Variants in ZMAT4 observed in about 807,000 individuals in gnomAD.
ZMAT4 encodes zinc finger matrin-type protein 4.
A neutral mutation model predicts 28.7 loss-of-function variants in ZMAT4; 17 were observed. The ratio of observed to expected loss-of-function variants is 0.59; its 90% confidence interval spans 0.41 to 0.89. The LOEUF is 0.89. Among genes scored for constraint, ZMAT4 ranks in the 40% least tolerant of loss-of-function variants. The probability of loss-of-function intolerance (pLI) is 0.00; values close to 1 mark genes in which losing one functional copy is unlikely to be tolerated. For missense variants in ZMAT4, 240 were observed against 283.8 expected, an observed-to-expected ratio of 0.85 and a Z score of 1.11; for synonymous variants, 117 against 109.2, an observed-to-expected ratio of 1.07 and a Z score of -0.44.
At chr8:40,737,023 A>G (rs1811793822) in intron 3 of ZMAT4, among the ~76,000 whole-genome samples, 1 of 152,222 alleles carries the variant, frequency 6.6e-6, no homozygotes, top group African/African-American at 2.4e-5. Flanking sequence ...GCATTTGGGC[A>G]CAGAGGTCCA....
intron 3 of ZMAT4, among the ~76,000 whole-genome samples, chr8:40,735,014 A>G (rs1324052913): frequency 6.6e-6 from 1 of 152,230 alleles, no homozygotes; most frequent in Non-Finnish European, 1.5e-5. Context: ...CTAGATGACT[A>G]AAATGGCTGG....
intron 1 of ZMAT4, among the ~76,000 whole-genome samples, chr8:40,881,687 A>T (rs956648710): frequency 2.3e-4 from 35 of 152,212 alleles, no homozygotes; most frequent in African/African-American, 7.7e-4. Context: ...ATGGGGACTG[A>T]TAACATGGAT....
rs1035908226 is a variant in ZMAT4 at position 40,696,670 on chromosome 8, A to G, written c.349+575T>C. Among the ~76,000 whole-genome samples, 3 of 152,340 alleles carry G rather than the reference A, an allele frequency of 2.0e-5. No individual in the cohort carries two copies. In the East Asian group the frequency reaches 5.8e-4, roughly 29 times the overall value. On this transcript the variant is annotated intron_variant, in intron 4 of 6. Transcript: ENST00000297737. ...GTGAAAGTTAATAGGCTTGAATCAC[A>G]GGATCTCCTGCAAGATGAATCACAG...
At chr8:40,800,172 G>A (rs1586072131) in intron 2 of ZMAT4, among the ~76,000 whole-genome samples, 1 of 152,236 alleles carries the variant, frequency 6.6e-6, no homozygotes, top group East Asian at 1.9e-4. Context: ...AATGATAAAG[G>A]GCTAATTCTC....
chr8:40,772,832 C>G (rs1449478089), intron 2 of ZMAT4, among the ~76,000 whole-genome samples: 6 of 152,220 alleles, frequency 3.9e-5, no homozygotes, highest in Non-Finnish European at 7.3e-5. Flanking sequence ...CATGCCACCA[C>G]ATTTGAGGTC....
chr8:40,753,332 A>G (rs1812536332), intron 3 of ZMAT4, among the ~76,000 whole-genome samples: 1 of 151,726 alleles, frequency 6.6e-6, no homozygotes, highest in Admixed American at 6.6e-5. Context: ...GAATTATCAC[A>G]CCACACTCTT....
At chr8:40,659,422 C>A (rs2118848686) in intron 5 of ZMAT4, among the ~76,000 whole-genome samples, 1 of 152,182 alleles carries the variant, frequency 6.6e-6, no homozygotes, top group East Asian at 1.9e-4. Flanking sequence ...CAGACTCAAG[C>A]CAAATCATAA....
chr8:40,820,504 G>A (rs554797480), intron 2 of ZMAT4, among the ~76,000 whole-genome samples: 59 of 151,348 alleles, frequency 3.9e-4, no homozygotes, highest in Admixed American at 9.9e-4. Flanking sequence ...ATGTGTGTAT[G>A]TGTGTATTGG....
intron 1 of ZMAT4, among the ~76,000 whole-genome samples, chr8:40,867,726 C>T (rs906371317): frequency 1.3e-5 from 2 of 152,160 alleles, no homozygotes; most frequent in African/African-American, 4.8e-5. Context: ...TCAGTTGCCA[C>T]CTAACCACCA....
intron 5 of ZMAT4, among the ~76,000 whole-genome samples, chr8:40,621,596 A>C (rs771081375): frequency 6.6e-6 from 1 of 152,234 alleles, no homozygotes; most frequent in Non-Finnish European, 1.5e-5. Context: ...AACAAGTAAC[A>C]ATACTGACAT....
chr8:40,869,257 G>A (rs375697612), intron 1 of ZMAT4, among the ~76,000 whole-genome samples: 70 of 152,186 alleles, frequency 4.6e-4, no homozygotes, highest in African/African-American at 1.6e-3. Context: ...ACACCACCTC[G>A]AGTCTGCATA....
intron 1 of ZMAT4, among the ~76,000 whole-genome samples, chr8:40,849,023 C>T (rs886604025): frequency 9.2e-5 from 14 of 152,230 alleles, no homozygotes; most frequent in Non-Finnish European, 1.5e-5. Context: ...GCGAGCCATG[C>T]GGGAGGACAA....
chr8:40,563,167 C>T (rs527713666), intron 6 of ZMAT4, among the ~76,000 whole-genome samples: 13 of 152,278 alleles, frequency 8.5e-5, no homozygotes, highest in African/African-American at 2.9e-4. Flanking sequence ...ACTCATTCCA[C>T]CTCAAACTGA....
intron 5 of ZMAT4, among the ~76,000 whole-genome samples, chr8:40,590,870 C>A (rs968226186): frequency 6.6e-6 from 1 of 151,978 alleles, no homozygotes; most frequent in Non-Finnish European, 1.5e-5. Flanking sequence ...AACGTTTGTC[C>A]CCATTAGGTT....
At chr8:40,791,539 T>C (rs1034738761) in intron 2 of ZMAT4, among the ~76,000 whole-genome samples, 1 of 152,196 alleles carries the variant, frequency 6.6e-6, no homozygotes, top group Non-Finnish European at 1.5e-5. Flanking sequence ...CACAGGTCCT[T>C]CGCCCTGGCT....
At chr8:40,758,856 G>C (rs1008837166) in intron 3 of ZMAT4, among the ~76,000 whole-genome samples, 34 of 152,118 alleles carry the variant, frequency 2.2e-4, no homozygotes, top group African/African-American at 7.7e-4. Context: ...ACAACGGAAA[G>C]GACACTAGAC....
intron 5 of ZMAT4, among the ~76,000 whole-genome samples, chr8:40,609,128 C>A (rs1297155171): frequency 6.6e-6 from 1 of 152,154 alleles, no homozygotes; most frequent in East Asian, 1.9e-4. Context: ...ATTTTCAATA[C>A]ATTGCAGACC....
intron 2 of ZMAT4, among the ~76,000 whole-genome samples, chr8:40,814,118 AT>A (rs55696993): frequency 0.21 from 32,375 of 152,116 alleles, 3,673 homozygotes; most frequent in African/African-American, 0.27. Context: ...AAGTGATAGC[AT>A]TTGAAGTTAG....
intron 5 of ZMAT4, among the ~76,000 whole-genome samples, chr8:40,592,905 C>T (rs1180144434): frequency 6.6e-6 from 1 of 152,142 alleles, no homozygotes; most frequent in Non-Finnish European, 1.5e-5. Flanking sequence ...AGGAATTAAG[C>T]TGTTTTTTTG....
Sources: allele counts gnomAD v4.1 joint callset (sites outside exome capture counted in the v4.1 genomes callset), GRCh38; gene constraint gnomAD v4.1.1; transcripts MANE v1.5; gene names NCBI Gene and HGNC (gene_info 2026-07-23, HGNC 2026-07-21).